The following DMTN variants were observed in gnomAD, a reference collection of about 807,000 sequenced individuals.
The protein encoded by DMTN is dematin.
A neutral mutation model predicts 59.4 loss-of-function variants in DMTN; 27 were observed. The observed-to-expected ratio is 0.45, with a 90% CI of 0.33 to 0.63. DMTN has a LOEUF of 0.63. DMTN is among the 20% of genes least tolerant of loss of function. DMTN has a pLI of 0.02. For missense variants in DMTN, 451 were observed against 528.9 expected (o/e 0.85, Z 1.45); for synonymous variants, 221 against 203.7 (o/e 1.08, Z -0.72).
At chr8:22,049,152 C>A, upstream of DMTN, 1 of 146,994 alleles carries the variant, frequency 6.8e-6, no homozygotes. Context: ...GAGGGCCCTG[C>A]GGAGCCCGGC....
intron 3 of DMTN, 23 bp from the exon 4 acceptor site, chr8:22,067,504 T>G (rs1811740387): frequency 6.2e-7 from 1 of 1,613,600 alleles, no homozygotes; most frequent in Admixed American, 1.7e-5. Flanking sequence ...GCACAGCAGT[T>G]TCACGCGCAC....
intron 4 of DMTN, among the ~76,000 whole-genome samples, 178 bp downstream of exon 4, chr8:22,067,860 G>A (rs1488099615): frequency 2.0e-5 from 3 of 152,228 alleles, no homozygotes; most frequent in Admixed American, 1.3e-4. Flanking sequence ...CAGGCAGAAC[G>A]GTCTCTGGGC....
chr8:22,067,809 C>T lies in DMTN; in HGVS notation c.249+127C>T, dbSNP rs78291259. The T allele has an allele frequency of 6.6e-3, 7,432 of 1,130,788 alleles. 210 individuals are homozygous for T. Among genetic ancestry groups the T allele is most frequent in the African/African-American group, 0.065 (4,229 of 64,820 alleles). 70.0% of individuals were successfully genotyped at this position (1,130,788 alleles called of 1,614,324 possible). A position where few individuals can be genotyped will look rare whatever the true frequency, so the allele number is the denominator to read the frequency against. On this transcript the variant is annotated intron_variant, in intron 4 of 15. Coordinates refer to ENST00000358242, the MANE Select transcript of DMTN (RefSeq NM_001387751.1). ...CGGCAAAACAAGAGAGGGAACTGTG[C>T]GCAGGAACCAACCAGTCAGTCCATC... is the stretch of plus-strand genomic sequence containing the variant.
At chr8:22,056,490 T>A (rs1441941185), upstream of DMTN, among the ~76,000 whole-genome samples, 1 of 151,954 alleles carries the variant, frequency 6.6e-6, no homozygotes, top group Non-Finnish European at 1.5e-5. Flanking sequence ...AGTAGCCCCC[T>A]CCCTCGACCC....
upstream of DMTN, among the ~76,000 whole-genome samples, chr8:22,051,995 C>T (rs192332330): frequency 4.6e-4 from 70 of 152,342 alleles, no homozygotes; most frequent in Middle Eastern, 6.8e-3. Context: ...AAAACTGGAA[C>T]TCTATCAAGC....
intron 1 of DMTN, among the ~76,000 whole-genome samples, chr8:22,059,915 C>T (rs1036621331): frequency 1.3e-5 from 2 of 152,146 alleles, no homozygotes; most frequent in African/African-American, 2.4e-5. Context: ...GGCACAAACT[C>T]GGAGGGCCCA....
At chr8:22,071,206 C>T (rs543453170) in intron 8 of DMTN, among the ~76,000 whole-genome samples, 1 of 152,210 alleles carries the variant, frequency 6.6e-6, no homozygotes. Flanking sequence ...AAGCATTTCT[C>T]CTGCCTCAGC....
At chr8:22,080,334 A>G in intron 11 of DMTN, 78 bp from the exon 12 acceptor site, 1 of 1,612,968 alleles carries the variant, frequency 6.2e-7, no homozygotes, top group Non-Finnish European at 8.5e-7. Flanking sequence ...ACCCTCAGGG[A>G]GCGGGGAGAC....
chr8:22,050,476 G>T (rs1284356820), upstream of DMTN, among the ~76,000 whole-genome samples: 1 of 152,052 alleles, frequency 6.6e-6, no homozygotes, highest in Non-Finnish European at 1.5e-5. Context: ...CTTCAAAGGT[G>T]GACGGGGCCC....
chr8:22,080,004 T>C (rs760437938), intron 10 of DMTN, among the ~76,000 whole-genome samples, 176 bp from the exon 11 acceptor site: 1 of 152,116 alleles, frequency 6.6e-6, no homozygotes, highest in Non-Finnish European at 1.5e-5. Flanking sequence ...ACCAGCACTG[T>C]ATTGCTTGCT....
At chr8:22,080,982 G>A (rs966482648) in intron 14 of DMTN, 112 bp downstream of exon 14, 64 of 1,473,930 alleles carry the variant, frequency 4.3e-5, no homozygotes, top group Non-Finnish European at 5.6e-5. Context: ...AGGGATGGCA[G>A]GGAAGTTGGG....
At chr8:22,067,723 C>T (rs763244118) in intron 4 of DMTN, 41 bp downstream of exon 4, 9 of 1,605,394 alleles carry the variant, frequency 5.6e-6, no homozygotes, top group Middle Eastern at 3.4e-4. Flanking sequence ...GGGGAGGCCC[C>T]CCCCAGCCAC....
upstream of DMTN, among the ~76,000 whole-genome samples, chr8:22,051,074 G>A (rs1801305617): frequency 6.6e-6 from 1 of 152,178 alleles, no homozygotes; most frequent in Non-Finnish European, 1.5e-5. Context: ...AACCCTGCTT[G>A]CCTCTGAGCG....
intron 10 of DMTN, among the ~76,000 whole-genome samples, chr8:22,074,460 T>C (rs1393253897): frequency 1.3e-5 from 2 of 152,120 alleles, no homozygotes; most frequent in Non-Finnish European, 2.9e-5. Flanking sequence ...TTTTCTGTAG[T>C]GACAAGGTCT....
intron 8 of DMTN, among the ~76,000 whole-genome samples, chr8:22,071,822 C>T (rs750453361): frequency 6.6e-6 from 1 of 151,942 alleles, no homozygotes; most frequent in East Asian, 2.0e-4. Context: ...CCTCGTGATC[C>T]GCCTGCCTTG....
chr8:22,070,952 C>T (rs936900532), intron 8 of DMTN, among the ~76,000 whole-genome samples: 4 of 152,216 alleles, frequency 2.6e-5, no homozygotes, highest in African/African-American at 4.8e-5. Context: ...TGACTTAAGA[C>T]AATGGCCTCC....
At chr8:22,061,577 T>TC (rs1429960105) in intron 1 of DMTN, among the ~76,000 whole-genome samples, 3 of 151,690 alleles carry the variant, frequency 2.0e-5, no homozygotes, top group African/African-American at 7.3e-5. Flanking sequence ...TCTGTGCCCC[T>TC]CCCCCCGGTG....
chr8:22,068,527 T>A (rs1305957448), intron 4 of DMTN, among the ~76,000 whole-genome samples: 2 of 151,978 alleles, frequency 1.3e-5, no homozygotes, highest in Non-Finnish European at 2.9e-5. Context: ...GTGATAGAGC[T>A]ACTGCATTTA....
At chr8:22,050,771 C>T (rs1245686252), upstream of DMTN, among the ~76,000 whole-genome samples, 1 of 152,006 alleles carries the variant, frequency 6.6e-6, no homozygotes, top group Non-Finnish European at 1.5e-5. Flanking sequence ...GTCTCTGGGT[C>T]CCTGGGTCCC....
Sources: allele counts gnomAD v4.1 joint callset (sites outside exome capture counted in the v4.1 genomes callset), GRCh38; gene constraint gnomAD v4.1.1; transcripts MANE v1.5; gene names NCBI Gene and HGNC (gene_info 2026-07-23, HGNC 2026-07-21).